ARID4B: variants seen among roughly 807,000 people sequenced by gnomAD.
ARID4B encodes the protein AT-rich interaction domain 4B.
ARID4B carries 26 observed loss-of-function variants against 147.5 expected under a neutral mutation model. The ratio of observed to expected loss-of-function variants is 0.18; its 90% CI spans 0.13 to 0.24. The LOEUF (loss-of-function observed/expected upper bound fraction) is 0.24. ARID4B is among the 10% of genes least tolerant of loss of function. The probability of loss-of-function intolerance (pLI) is 1.00; values close to 1 mark genes in which losing one functional copy is unlikely to be tolerated. For synonymous variants in ARID4B, 512 were observed against 507.9 expected, an observed-to-expected ratio of 1.01 and a Z score of -0.11; for missense variants, 1,179 against 1,511.5, an observed-to-expected ratio of 0.78 and a Z score of 3.65.
intron 2 of ARID4B, among the ~76,000 whole-genome samples, chr1:235,303,382 A>G (rs1298583007): frequency 1.4e-5 from 2 of 145,700 alleles, no homozygotes; most frequent in African/African-American, 5.2e-5. Flanking sequence ...AGGTGGGGGA[A>G]AAAAAAAAAA....
chr1:235,205,837 C>T (rs373389975), intron 17 of ARID4B, among the ~76,000 whole-genome samples: 50 of 152,092 alleles, frequency 3.3e-4, no homozygotes, highest in Middle Eastern at 3.4e-3. Context: ...CAAAAAAGCA[C>T]AATGAGATAA....
At chr1:235,228,212 T>C (rs1667952920) in intron 11 of ARID4B, 1 of 151,492 alleles carries the variant, frequency 6.6e-6, no homozygotes, top group Non-Finnish European at 1.5e-5. Flanking sequence ...AATATGGAGA[T>C]GTAAGCATTT....
chr1:235,319,486 G>A (rs931245879), intron 2 of ARID4B, among the ~76,000 whole-genome samples: 1 of 152,162 alleles, frequency 6.6e-6, no homozygotes, highest in South Asian at 2.1e-4. Context: ...ACTCCTGCCT[G>A]GGCAACAGAC....
chr1:235,304,454 C>T (rs771029085), intron 2 of ARID4B, among the ~76,000 whole-genome samples: 3 of 152,150 alleles, frequency 2.0e-5, no homozygotes, highest in Non-Finnish European at 4.4e-5. Flanking sequence ...ACTCAAGGTC[C>T]CTTTTCATTA....
intron 7 of ARID4B, among the ~76,000 whole-genome samples, chr1:235,246,027 C>A (rs1306539368): frequency 6.6e-6 from 1 of 152,046 alleles, no homozygotes; most frequent in African/African-American, 2.4e-5. Flanking sequence ...AAATGGTTCA[C>A]ATAAAGGTTT....
At chr1:235,257,669 T>C (rs1670068885) in intron 3 of ARID4B, among the ~76,000 whole-genome samples, 2 of 152,026 alleles carry the variant, frequency 1.3e-5, no homozygotes, top group South Asian at 4.1e-4. Flanking sequence ...CTAATAGAGA[T>C]GGGGTTTCAA....
intron 2 of ARID4B, among the ~76,000 whole-genome samples, chr1:235,309,876 A>G (rs1477992906): frequency 6.6e-6 from 1 of 152,180 alleles, no homozygotes; most frequent in Non-Finnish European, 1.5e-5. Context: ...GACCTTACTT[A>G]CCCCCAACCC....
At chr1:235,282,914 G>C (rs1461142376) in intron 2 of ARID4B, among the ~76,000 whole-genome samples, 4 of 152,198 alleles carry the variant, frequency 2.6e-5, no homozygotes, top group Non-Finnish European at 5.9e-5. Flanking sequence ...CCGAGTAGTT[G>C]GGACTACAGG....
At chr1:235,236,051 C>T (rs983608319) in intron 8 of ARID4B, among the ~76,000 whole-genome samples, 6 of 151,850 alleles carry the variant, frequency 4.0e-5, no homozygotes, top group African/African-American at 1.2e-4. Flanking sequence ...CTCAGTCTCC[C>T]AAGTAGCTGG....
In ARID4B at chr1:235,182,204, C is replaced by T; in HGVS notation, c.2715G>A (p.Arg905=). 4 of 1,613,600 alleles carry T rather than the reference C, an allele frequency of 2.5e-6. No individual in the cohort carries two copies. The highest frequency in any genetic ancestry group is 1.7e-5 in the Admixed American group (1 of 59,826). ...CATCAGAGTTATTTAAAAGTTTAATCCTTTTTTCTGCCACTTCTGAAAATC... is the reference window on the plus strand; with the variant it reads ...CATCAGAGTTATTTAAAAGTTTAATTCTTTTTTCTGCCACTTCTGAAAATC... ...YSGFSEVAEK[R]IKLLNNSDER... is the part of the protein sequence containing the mutation. Residue 905 remains arginine (R), a synonymous_variant, in exon 20 of 24, where the codon AGG becomes AGA. Coordinates refer to ENST00000264183, the MANE Select transcript of ARID4B (RefSeq NM_016374.6).
In ARID4B at chr1:235,312,194, G is replaced by A. The variant is rs138816560; in HGVS notation, c.6+14720C>T. 8.9e-3 allele frequency among the ~76,000 whole-genome samples: 1,354 copies of A among 152,138 alleles called. 21 individuals are homozygous for A. The highest frequency in any genetic ancestry group is 0.031 in the African/African-American group (1,304 of 41,508). On this transcript the variant is annotated intron_variant, in intron 2 of 23. Coordinates refer to ENST00000264183, the MANE Select transcript of ARID4B (RefSeq NM_016374.6). ...CCAGCTACTCAGGAGGCTGAGGCAG[G>A]AGAACTGCTTGAACCCGGGAGGCAG...
At chr1:235,274,420 A>G (rs547004453) in intron 2 of ARID4B, among the ~76,000 whole-genome samples, 69 of 152,182 alleles carry the variant, frequency 4.5e-4, no homozygotes, top group South Asian at 1.0e-3. Flanking sequence ...GCAAAACCAC[A>G]ATTACTTTTG....
At chr1:235,247,791 C>T (rs1669394610) in intron 6 of ARID4B, among the ~76,000 whole-genome samples, 1 of 152,004 alleles carries the variant, frequency 6.6e-6, no homozygotes, top group Non-Finnish European at 1.5e-5. Flanking sequence ...GAGTTGGAGA[C>T]CAGCCTGACC....
At chr1:235,221,045 T>TAGCC (rs1558216458) in intron 14 of ARID4B, among the ~76,000 whole-genome samples, 2 of 152,124 alleles carry the variant, frequency 1.3e-5, no homozygotes, top group Non-Finnish European at 2.9e-5. Flanking sequence ...CTACAGGCGT[T>TAGCC]AGCCACTATG....
chr1:235,274,496 T>G (rs2103155538), intron 2 of ARID4B, among the ~76,000 whole-genome samples: 1 of 152,306 alleles, frequency 6.6e-6, no homozygotes, highest in Non-Finnish European at 1.5e-5. Context: ...ATATTAAATC[T>G]TTTTAGCTCT....
At chr1:235,234,045 C>T (rs1413219440) in intron 9 of ARID4B, among the ~76,000 whole-genome samples, 1 of 152,220 alleles carries the variant, frequency 6.6e-6, no homozygotes, top group Non-Finnish European at 1.5e-5. Flanking sequence ...CACCACTGCA[C>T]TCCAGCCTGG....
intron 21 of ARID4B, among the ~76,000 whole-genome samples, chr1:235,176,539 G>A (rs1426607916): frequency 6.8e-6 from 1 of 147,114 alleles, no homozygotes; most frequent in Non-Finnish European, 1.5e-5. Flanking sequence ...CTCCCACTGT[G>A]AAATTTTGGG....
intron 22 of ARID4B, among the ~76,000 whole-genome samples, chr1:235,173,218 C>G (rs1458850798): frequency 6.6e-6 from 1 of 152,122 alleles, no homozygotes; most frequent in African/African-American, 2.4e-5. Flanking sequence ...GTGGCGGGTG[C>G]CTGCAATCCC....
At chr1:235,282,455 G>A (rs1671723580) in intron 2 of ARID4B, among the ~76,000 whole-genome samples, 2 of 152,210 alleles carry the variant, frequency 1.3e-5, no homozygotes, top group African/African-American at 4.8e-5. Flanking sequence ...AAAATTAGTT[G>A]TATGAGTGTG....
Sources: gnomAD v4.1 joint callset for allele counts (sites outside exome capture counted in the v4.1 genomes callset) on GRCh38, gnomAD v4.1.1 for gene constraint, MANE v1.5 for transcripts, NCBI Gene and HGNC (gene_info 2026-07-23, HGNC 2026-07-21) for gene names.